SV2C: variants seen among roughly 807,000 people sequenced by gnomAD.
SV2C encodes the protein synaptic vesicle glycoprotein 2C.
Under a neutral mutation model 79.7 loss-of-function variants are expected in SV2C, and 49 were observed. The observed-to-expected ratio is 0.61, with a 90% CI of 0.49 to 0.78. SV2C has a LOEUF of 0.78. Among genes scored for constraint, SV2C ranks in the 30% least tolerant of loss-of-function variants. The pLI is 0.00. For missense variants in SV2C, 833 were observed against 912.9 expected, an observed-to-expected ratio of 0.91 and a Z score of 1.13; for synonymous variants, 334 against 333.2, an observed-to-expected ratio of 1.00 and a Z score of -0.03.
intron 8 of SV2C, among the ~76,000 whole-genome samples, chr5:76,292,801 TTTTA>T (rs1266477214): frequency 2.0e-5 from 3 of 152,234 alleles, no homozygotes; most frequent in African/African-American, 7.2e-5. Context: ...AATAACAAGA[TTTTA>T]TTTGTTAATC....
In SV2C at chr5:76,325,676, G is replaced by A. The variant is rs1015450847; in HGVS notation, c.*129G>A. On this transcript the variant is annotated 3_prime_UTR_variant, in exon 13 of 13. Transcript: ENST00000502798. ...GTATCAGAACATAAACACGTGCTGT[G>A]ACTTAAAATTTAGAAGCATATCATC... 7.6e-7 allele frequency: 1 copy of A among 1,322,668 alleles called. No individual in the cohort carries two copies. Among genetic ancestry groups the A allele is most frequent in the African/African-American group, 1.5e-5 (1 of 67,686 alleles). The allele number at this position is 1,322,668 out of a possible 1,614,324, so 81.9% of individuals were successfully genotyped here.
At chr5:76,339,832 G>A (rs1749406632) in intron 12 of SV2C, among the ~76,000 whole-genome samples, 1 of 152,172 alleles carries the variant, frequency 6.6e-6, no homozygotes, top group Non-Finnish European at 1.5e-5. Flanking sequence ...TTTGTCAGAG[G>A]CGTTTAAACC....
At chr5:76,343,272 G>C (rs1324144163) in intron 12 of SV2C, among the ~76,000 whole-genome samples, 1 of 152,088 alleles carries the variant, frequency 6.6e-6, no homozygotes, top group African/African-American at 2.4e-5. Context: ...GAGTAAAAAG[G>C]CAAGCCTCAG....
chr5:76,253,938 T>C (rs1040275459), intron 4 of SV2C, among the ~76,000 whole-genome samples: 14 of 152,026 alleles, frequency 9.2e-5, no homozygotes, highest in African/African-American at 3.1e-4. Flanking sequence ...TCTCACTGAG[T>C]TTCAAAAACT....
At chr5:76,258,437 T>C (rs1259947038) in intron 4 of SV2C, among the ~76,000 whole-genome samples, 1 of 152,146 alleles carries the variant, frequency 6.6e-6, no homozygotes. Context: ...GAGAGCTTGA[T>C]GATGGCCAGA....
the SV2C span, among the ~76,000 whole-genome samples, chr5:76,049,774 A>G: frequency 2.0e-5 from 3 of 152,158 alleles, no homozygotes; most frequent in South Asian, 4.1e-4. Context: ...CAGTGTTTCA[A>G]TGAGTAGCAG....
At chr5:75,904,454 C>A in the SV2C span, among the ~76,000 whole-genome samples, 5 of 150,714 alleles carry the variant, frequency 3.3e-5, no homozygotes, top group African/African-American at 1.2e-4. Flanking sequence ...AGTGAAATAG[C>A]CCAGCAACTC....
chr5:76,233,891 C>T (rs1243895913), intron 4 of SV2C, among the ~76,000 whole-genome samples: 1 of 151,964 alleles, frequency 6.6e-6, no homozygotes, highest in African/African-American at 2.4e-5. Flanking sequence ...GGATATTGGT[C>T]TAAAATTCTC....
the SV2C span, among the ~76,000 whole-genome samples, chr5:76,001,488 G>A: frequency 1.2e-4 from 18 of 151,962 alleles, no homozygotes; most frequent in African/African-American, 4.1e-4. Context: ...TGTGGTCCCA[G>A]CTACTCAGAA....
the SV2C span, among the ~76,000 whole-genome samples, chr5:76,040,476 T>TTTG: frequency 1.3e-5 from 2 of 152,190 alleles, no homozygotes; most frequent in African/African-American, 2.4e-5. Flanking sequence ...GATGCAAAAA[T>TTTG]GCCCTTCATG....
chr5:75,933,719 C>A, the SV2C span, among the ~76,000 whole-genome samples: 1 of 152,190 alleles, frequency 6.6e-6, no homozygotes, highest in Non-Finnish European at 1.5e-5. Context: ...GCCATGCCTT[C>A]CTCCTCACTT....
At chr5:76,225,762 T>C (rs962568316) in intron 4 of SV2C, among the ~76,000 whole-genome samples, 1 of 152,238 alleles carries the variant, frequency 6.6e-6, no homozygotes, top group Non-Finnish European at 1.5e-5. Context: ...ATTTTCTCTG[T>C]CTAAAGTATC....
chr5:76,299,765 T>C (rs1327991944), intron 10 of SV2C, among the ~76,000 whole-genome samples: 1 of 152,238 alleles, frequency 6.6e-6, no homozygotes, highest in Non-Finnish European at 1.5e-5. Context: ...TCTACCTGTC[T>C]TCTAACCCAT....
At chr5:75,889,757 C>T in the SV2C span, among the ~76,000 whole-genome samples, 1 of 152,058 alleles carries the variant, frequency 6.6e-6, no homozygotes, top group Non-Finnish European at 1.5e-5. Flanking sequence ...TACACATCCA[C>T]TGAATGGATA....
intron 12 of SV2C, among the ~76,000 whole-genome samples, chr5:76,310,510 G>C (rs535954747): frequency 1.2e-3 from 183 of 152,330 alleles, no homozygotes; most frequent in African/African-American, 4.0e-3. Flanking sequence ...CATGGGGTCA[G>C]AGTGGACAAT....
the SV2C span, among the ~76,000 whole-genome samples, chr5:76,007,136 T>C: frequency 7.2e-5 from 11 of 152,166 alleles, no homozygotes; most frequent in East Asian, 2.0e-3. Flanking sequence ...ATTTAAGCTG[T>C]TTGGCTCTAG....
At chr5:76,022,259 T>C in the SV2C span, among the ~76,000 whole-genome samples, 1 of 152,196 alleles carries the variant, frequency 6.6e-6, no homozygotes, top group South Asian at 2.1e-4. Context: ...TCAAAGTATC[T>C]TCCCAAGTAC....
chr5:75,873,837 C>T, the SV2C span, among the ~76,000 whole-genome samples: 1 of 152,104 alleles, frequency 6.6e-6, no homozygotes, highest in African/African-American at 2.4e-5. Flanking sequence ...CACATACACC[C>T]TCTTGAGACT....
the SV2C span, among the ~76,000 whole-genome samples, chr5:75,866,448 A>C: frequency 6.6e-6 from 1 of 152,200 alleles, no homozygotes; most frequent in Admixed American, 6.5e-5. Context: ...GAGCACAACT[A>C]TCCCCTATTT....
Sources: allele counts gnomAD v4.1 joint callset (sites outside exome capture counted in the v4.1 genomes callset), GRCh38; gene constraint gnomAD v4.1.1; transcripts MANE v1.5; gene names NCBI Gene and HGNC (gene_info 2026-07-23, HGNC 2026-07-21).